CCDC88C: variants seen among roughly 807,000 people sequenced by gnomAD.
CCDC88C encodes protein Daple.
CCDC88C carries 131 observed loss-of-function variants against 198.8 expected under a neutral mutation model. The ratio of observed to expected loss-of-function variants is 0.66; its 90% CI spans 0.57 to 0.76. The LOEUF (loss-of-function observed/expected upper bound fraction) is 0.76, where lower values mean the gene tolerates loss of function less well. Among genes scored for constraint, CCDC88C ranks in the 30% least tolerant of loss-of-function variants. The pLI is 0.00. For missense variants in CCDC88C, 2,553 were observed against 2,631.6 expected, an observed-to-expected ratio of 0.97 and a Z score of 0.65; for synonymous variants, 1,166 against 1,114.7, an observed-to-expected ratio of 1.05 and a Z score of -0.92.
rs200356668 is a variant in CCDC88C at position 91,342,467 on chromosome 14, C to A, written c.400-4G>T. ...TGAACTCCTCTTTCCTCTCACACTG[C>A]GGAGGGTTACATGTGTTAATGGAAG... On this transcript the variant is annotated splice_polypyrimidine_tract_variant and splice_region_variant and intron_variant, in intron 5 of 29. Coordinates refer to ENST00000389857, the MANE Select transcript of CCDC88C (RefSeq NM_001080414.4). The A allele has an allele frequency of 8.9e-6, 14 of 1,568,048 alleles. No homozygotes were observed. The highest frequency in any genetic ancestry group is 1.2e-5 in the Non-Finnish European group (14 of 1,150,432).
rs1489645014 is a variant in CCDC88C at position 91,273,295 on chromosome 14, C to A, written c.5417G>T (p.Ser1806Ile). The A allele has an allele frequency of 1.3e-6, 2 of 1,558,390 alleles. No individual in the cohort carries two copies. Among genetic ancestry groups the A allele is most frequent in the Non-Finnish European group, 1.7e-6 (2 of 1,150,242 alleles). Residue 1806 changes from serine (S) to isoleucine (I), a missense_variant, in exon 30 of 30, where the codon AGC becomes ATC. Ser to Ile is a moderately radical substitution (Grantham distance 142, BLOSUM62 -2). Around this residue, in one of 2 missense-constraint regions of CCDC88C, gnomAD observed 1,293 missense variants for 1,219.6 expected, o/e 1.06. Coordinates refer to ENST00000389857, the MANE Select transcript of CCDC88C (RefSeq NM_001080414.4). The surrounding 1 kb of genome is among the most constrained non-coding windows in gnomAD (Gnocchi z 5.6). ...SRSASLSRAF[S>I]LASADLLRAS... ...CCGGAGAAGGTCAGCTGAGGCCAGG[C>A]TGAAGGCCCGGCTCAAGGAGGCACT...
rs747290112 is a variant in CCDC88C, at chr14:91,339,925, G to T, written c.583C>A (p.His195Asn). The T allele has an allele frequency of 6.3e-7, 1 of 1,595,200 alleles. No homozygotes were observed. Among genetic ancestry groups the T allele is most frequent in the Non-Finnish European group, 8.5e-7 (1 of 1,172,088 alleles). ...CGCTGGTCGATGAGCCTCCGCAGGT[G>T]GAGCACCATGCTCCTCGACAGGGCC... The part of the protein sequence containing the change: ...LEALSRSMVL[H>N]LRRLIDQRDE... The change falls in exon 7 of 30, where the codon CAC (histidine) becomes AAC (asparagine). Residue 195 changes from histidine (H) to asparagine (N), a missense_variant. By Grantham distance (68) the His-to-Asn change is moderately conservative (BLOSUM62 1). Coordinates refer to ENST00000389857, the MANE Select transcript of CCDC88C (RefSeq NM_001080414.4). This position sits in a 1 kb window ranked among gnomAD's most constrained non-coding sequence, Gnocchi z 5.8.
intron 10 of CCDC88C, among the ~76,000 whole-genome samples, chr14:91,327,025 C>T (rs1312399392): frequency 6.6e-6 from 1 of 152,222 alleles, no homozygotes; most frequent in African/African-American, 2.4e-5. Flanking sequence ...CTCCACTGTT[C>T]CTTTGCTACG....
chr14:91,355,499 G>T (rs1167924676), intron 4 of CCDC88C, among the ~76,000 whole-genome samples: 2 of 152,170 alleles, frequency 1.3e-5, no homozygotes, highest in East Asian at 3.8e-4. Flanking sequence ...CCCCTCCCCG[G>T]GGGCGTGGGT....
intron 3 of CCDC88C, among the ~76,000 whole-genome samples, chr14:91,405,329 T>C (rs1382436963): frequency 6.6e-6 from 1 of 152,066 alleles, no homozygotes; most frequent in African/African-American, 2.4e-5. Context: ...TGCGCGACCT[T>C]GATGTGTCTA....
In CCDC88C at chr14:91,271,928, AG is replaced by A. The variant is rs1889751822; in HGVS notation, c.*696del. The A allele has an allele frequency of 6.5e-6, 1 of 152,780 alleles. No homozygotes were observed. Among genetic ancestry groups the A allele is most frequent in the African/African-American group, 2.4e-5 (1 of 41,464 alleles). 9.5% of individuals were successfully genotyped at this position (152,780 alleles called of 1,614,324 possible). The stretch of plus-strand genomic sequence containing the variant: ...AAAAGTGAGCCAGGGAAATCTAGGA[AG>A]GCAGGTGCCTGTGTGGTCCCCAAAC... On this transcript the variant is annotated 3_prime_UTR_variant, in exon 30 of 30. Transcript: ENST00000389857.
At chr14:91,388,429 G>A (rs1324115632) in intron 3 of CCDC88C, among the ~76,000 whole-genome samples, 1 of 152,162 alleles carries the variant, frequency 6.6e-6, no homozygotes, top group East Asian at 1.9e-4. Context: ...CAGGCCTCAG[G>A]TGCTCAAGGC....
rs1168018598 is a variant in CCDC88C at position 91,337,992 on chromosome 14, C to A, written c.1050+13G>T. ...GCAGCCCCATCCAGGGGCCTCACAG[C>A]AAGGCTCCCTACCTCCATGCGGGCC... On this transcript the variant is annotated intron_variant, in intron 10 of 29. Coordinates refer to ENST00000389857, the MANE Select transcript of CCDC88C (RefSeq NM_001080414.4). 6.2e-7 allele frequency: 1 copy of A among 1,608,708 alleles called. No individual in the cohort carries two copies. The highest frequency in any genetic ancestry group is 1.7e-4 in the Middle Eastern group (1 of 6,050).
intron 3 of CCDC88C, among the ~76,000 whole-genome samples, chr14:91,370,550 G>A (rs1381148515): frequency 6.6e-6 from 1 of 152,202 alleles, no homozygotes; most frequent in Non-Finnish European, 1.5e-5. Flanking sequence ...GGGGGCGGGG[G>A]GCAGCCCCAG....
At chr14:91,391,273 C>T (rs1885490046) in intron 3 of CCDC88C, among the ~76,000 whole-genome samples, 2 of 151,886 alleles carry the variant, frequency 1.3e-5, no homozygotes, top group East Asian at 3.9e-4. Flanking sequence ...AAAAAACCCA[C>T]TGGGTGCCCG....
At chr14:91,411,771 T>C (rs1177544766) in intron 2 of CCDC88C, among the ~76,000 whole-genome samples, 1 of 152,138 alleles carries the variant, frequency 6.6e-6, no homozygotes, top group Non-Finnish European at 1.5e-5. Flanking sequence ...GAGACCAGCC[T>C]GGCCAACATG....
intron 2 of CCDC88C, among the ~76,000 whole-genome samples, chr14:91,410,839 T>C (rs1461321040): frequency 6.6e-6 from 1 of 152,222 alleles, no homozygotes; most frequent in African/African-American, 2.4e-5. Flanking sequence ...TGTAGACCCA[T>C]CTTTCATTGA....
intron 3 of CCDC88C, among the ~76,000 whole-genome samples, chr14:91,395,649 C>A (rs964440561): frequency 2.6e-5 from 4 of 152,140 alleles, no homozygotes; most frequent in African/African-American, 4.8e-5. Flanking sequence ...CGTTATCCCC[C>A]AGCCGAGAAG....
At position 91,297,504 on chromosome 14, in the gene CCDC88C, G is replaced by A; in HGVS notation, c.3780-13C>T. 1.3e-6 allele frequency: 2 copies of A among 1,552,066 alleles called. No homozygotes were observed. Among genetic ancestry groups the A allele is most frequent in the South Asian group, 1.2e-5 (1 of 84,104 alleles). ...CAGGAAATTGACCCTGGAGGAGGAA[G>A]AGTCACAGGGCAAAGGAGCTGAAGA... On this transcript the variant is annotated splice_polypyrimidine_tract_variant and intron_variant, in intron 21 of 29. Transcript: ENST00000389857.
At chr14:91,390,691 G>A (rs1885454426) in intron 3 of CCDC88C, among the ~76,000 whole-genome samples, 1 of 152,200 alleles carries the variant, frequency 6.6e-6, no homozygotes, top group African/African-American at 2.4e-5. Flanking sequence ...AAAGCCAGTG[G>A]CTGGTCCCAT....
intron 22 of CCDC88C, among the ~76,000 whole-genome samples, chr14:91,296,290 T>C (rs536079304): frequency 6.6e-6 from 1 of 152,346 alleles, no homozygotes; most frequent in South Asian, 2.1e-4. Context: ...TTCCAAAAAG[T>C]ACCCCTGTCC....
At chr14:91,410,827 A>G (rs569839160) in intron 2 of CCDC88C, among the ~76,000 whole-genome samples, 187 of 152,278 alleles carry the variant, frequency 1.2e-3, no homozygotes, top group African/African-American at 4.4e-3. Flanking sequence ...GGTCTTTGTC[A>G]TTGTAGACCC....
At chr14:91,410,337 G>C (rs768359069) in intron 2 of CCDC88C, among the ~76,000 whole-genome samples, 1 of 152,144 alleles carries the variant, frequency 6.6e-6, no homozygotes, top group Non-Finnish European at 1.5e-5. Flanking sequence ...TCCAGACCCC[G>C]TGATGAAGGT....
intron 3 of CCDC88C, among the ~76,000 whole-genome samples, chr14:91,377,190 G>A (rs921900550): frequency 1.4e-4 from 21 of 152,362 alleles, no homozygotes; most frequent in Admixed American, 1.2e-3. Flanking sequence ...TGGCCACTGA[G>A]GGCTGGCAGC....
Sources: gnomAD v4.1 joint callset for allele counts (sites outside exome capture counted in the v4.1 genomes callset) on GRCh38, gnomAD v4.1.1 for gene constraint, gnomAD v4.1.1 regional missense constraint, Gnocchi (gnomAD v3.1) non-coding constraint, MANE v1.5 for transcripts, NCBI Gene and HGNC (gene_info 2026-07-23, HGNC 2026-07-21) for gene names.